Variants in ZSCAN25 observed in about 807,000 individuals in gnomAD.
ZSCAN25 encodes the protein zinc finger and SCAN domain-containing protein 25.
In ZSCAN25, 27 loss-of-function variants were observed where a neutral mutation model predicts 38.7. The ratio of observed to expected loss-of-function variants is 0.70; its 90% CI spans 0.51 to 0.96. The LOEUF is 0.96. Among genes scored for constraint, ZSCAN25 ranks in the 40% least tolerant of loss-of-function variants. ZSCAN25 has a pLI of 0.00. For missense variants in ZSCAN25, 637 were observed against 705.9 expected (o/e 0.90, Z 1.11); for synonymous variants, 273 against 277.7 (o/e 0.98, Z 0.17).
chr7:99,699,854 A>G, the ZSCAN25 span: 2 of 719,984 alleles, frequency 2.8e-6, no homozygotes, highest in African/African-American at 3.5e-5. Context: ...CCAAGAAGCT[A>G]CTCCTCCTTG....
At chr7:99,682,259 G>A in the ZSCAN25 span, among the ~76,000 whole-genome samples, 5 of 152,122 alleles carry the variant, frequency 3.3e-5, no homozygotes, top group Non-Finnish European at 5.9e-5. Flanking sequence ...CATGAGCCAC[G>A]GCACTCAGCC....
the ZSCAN25 span, chr7:99,707,726 A>G: frequency 6.4e-7 from 1 of 1,570,982 alleles, no homozygotes; most frequent in African/African-American, 1.4e-5. Flanking sequence ...TAAAAGATTA[A>G]GTGAGTGTAT....
the ZSCAN25 span, chr7:99,672,452 G>A: frequency 2.7e-6 from 2 of 753,042 alleles, no homozygotes; most frequent in East Asian, 5.2e-5. Flanking sequence ...GGGCGGGACA[G>A]GATGAAGAGT....
At chr7:99,692,368 G>C in the ZSCAN25 span, among the ~76,000 whole-genome samples, 1 of 152,094 alleles carries the variant, frequency 6.6e-6, no homozygotes, top group African/African-American at 2.4e-5. Flanking sequence ...TGATAATTAT[G>C]TGTCTTGGGG....
chr7:99,627,040 T>TA (rs1172933265), intron 7 of ZSCAN25, among the ~76,000 whole-genome samples: 2 of 152,222 alleles, frequency 1.3e-5, no homozygotes, highest in Non-Finnish European at 2.9e-5. Context: ...TTTTCAAACA[T>TA]ACAGAAAAGC....
At chr7:99,707,771 A>C in the ZSCAN25 span, 1 of 1,612,298 alleles carries the variant, frequency 6.2e-7, no homozygotes, top group Non-Finnish European at 8.5e-7. Flanking sequence ...CAGTTAAAAT[A>C]ATTGTTAATA....
At chr7:99,708,416 G>A in the ZSCAN25 span, among the ~76,000 whole-genome samples, 1 of 151,852 alleles carries the variant, frequency 6.6e-6, no homozygotes, top group Non-Finnish European at 1.5e-5. Context: ...TTCTCCTCTC[G>A]TCTCTTGTTT....
chr7:99,655,639 G>A, the ZSCAN25 span, among the ~76,000 whole-genome samples: 3 of 152,300 alleles, frequency 2.0e-5, no homozygotes, highest in Non-Finnish European at 4.4e-5. Flanking sequence ...GCTTGATGGC[G>A]ATGGCACTGA....
chr7:99,625,940 C>T (rs559145383), intron 7 of ZSCAN25, among the ~76,000 whole-genome samples: 2 of 152,334 alleles, frequency 1.3e-5, no homozygotes, highest in South Asian at 2.1e-4. Context: ...CTGGGATTCA[C>T]ACTCGGGTTG....
the ZSCAN25 span, among the ~76,000 whole-genome samples, chr7:99,729,337 T>A: frequency 6.6e-6 from 1 of 152,170 alleles, no homozygotes; most frequent in African/African-American, 2.4e-5. Context: ...CTATTCCTTG[T>A]AACTCATTAT....
At chr7:99,649,660 C>A in the ZSCAN25 span, among the ~76,000 whole-genome samples, 1 of 152,148 alleles carries the variant, frequency 6.6e-6, no homozygotes, top group Non-Finnish European at 1.5e-5. Flanking sequence ...TTTTGAAGCT[C>A]CCTGGTGATT....
chr7:99,696,595 C>T, the ZSCAN25 span, among the ~76,000 whole-genome samples: 1 of 151,542 alleles, frequency 6.6e-6, no homozygotes, highest in Non-Finnish European at 1.5e-5. Flanking sequence ...CTCATATTTC[C>T]CTGAATGACA....
chr7:99,736,114 G>A, the ZSCAN25 span, among the ~76,000 whole-genome samples: 3 of 152,320 alleles, frequency 2.0e-5, no homozygotes, highest in South Asian at 6.2e-4. Context: ...TTCTTCCTCT[G>A]TAGCTTTCAA....
the ZSCAN25 span, among the ~76,000 whole-genome samples, chr7:99,732,609 G>A: frequency 1.3e-5 from 2 of 152,098 alleles, no homozygotes; most frequent in South Asian, 2.1e-4. Context: ...CTGGATATCT[G>A]AAGACCTTCC....
chr7:99,675,913 C>T, the ZSCAN25 span, among the ~76,000 whole-genome samples: 1 of 150,948 alleles, frequency 6.6e-6, no homozygotes, highest in African/African-American at 2.4e-5. Flanking sequence ...CCAGGCTGTT[C>T]TCAAACTCCT....
the ZSCAN25 span, chr7:99,713,357 C>T: frequency 2.6e-6 from 4 of 1,511,254 alleles, no homozygotes; most frequent in Non-Finnish European, 3.7e-6. Flanking sequence ...CTGTGTCATT[C>T]TGCTATGTGG....
chr7:99,734,351 C>T, the ZSCAN25 span, among the ~76,000 whole-genome samples: 2 of 152,280 alleles, frequency 1.3e-5, no homozygotes, highest in East Asian at 3.9e-4. Context: ...GCCAGGATCT[C>T]ACTGGTGAGA....
the ZSCAN25 span, among the ~76,000 whole-genome samples, chr7:99,712,646 C>T: frequency 6.6e-6 from 1 of 152,036 alleles, no homozygotes; most frequent in Non-Finnish European, 1.5e-5. Flanking sequence ...GATTGATGGA[C>T]AGATGATAGA....
At chr7:99,657,217 T>C in the ZSCAN25 span, among the ~76,000 whole-genome samples, 1 of 152,256 alleles carries the variant, frequency 6.6e-6, no homozygotes, top group Non-Finnish European at 1.5e-5. Context: ...CTTGTAGGCA[T>C]TTAGTGCTAT....
Sources: allele counts gnomAD v4.1 joint callset (sites outside exome capture counted in the v4.1 genomes callset), GRCh38; gene constraint gnomAD v4.1.1; transcripts MANE v1.5; gene names NCBI Gene and HGNC (gene_info 2026-07-23, HGNC 2026-07-21).